SYK: variants seen among roughly 807,000 people sequenced by gnomAD.
SYK encodes tyrosine-protein kinase SYK.
Under a neutral mutation model 77.8 loss-of-function variants are expected in SYK, and 16 were observed. The ratio of observed to expected loss-of-function variants is 0.21; its 90% CI spans 0.14 to 0.31. SYK has a LOEUF of 0.31. Among genes scored for constraint, SYK ranks in the 10% least tolerant of loss-of-function variants. SYK has a pLI of 1.00. For missense variants in SYK, 529 were observed against 814.4 expected (o/e 0.65, Z 4.26); for synonymous variants, 312 against 308.7 (o/e 1.01, Z -0.11).
intron 7 of SYK, 25 bp from the exon 8 acceptor site, chr9:90,874,179 A>G (rs1284796825): frequency 4.4e-6 from 7 of 1,591,124 alleles, no homozygotes; most frequent in South Asian, 1.1e-5. Flanking sequence ...AAGAAAAACA[A>G]CCTGTTGTCC....
At chr9:90,871,208 G>A (rs1409960361) in intron 7 of SYK, among the ~76,000 whole-genome samples, 1 of 152,194 alleles carries the variant, frequency 6.6e-6, no homozygotes, top group Non-Finnish European at 1.5e-5. Flanking sequence ...AGAAAGCGAA[G>A]GTGGCTAATG....
intron 3 of SYK, among the ~76,000 whole-genome samples, chr9:90,860,015 G>C (rs142462746): frequency 1.3e-5 from 2 of 152,096 alleles, no homozygotes; most frequent in Non-Finnish European, 2.9e-5. Flanking sequence ...GAGAGATGGC[G>C]TCTCACTCTG....
At position 90,874,085 on chromosome 9, in the gene SYK, C is replaced by G. The variant is rs1292588969; in HGVS notation, c.916-119C>G. 2.4e-5 allele frequency: 20 copies of G among 827,762 alleles called. No homozygotes were observed. In the Admixed American group the frequency reaches 5.0e-4, roughly 21 times the overall value. 51.3% of individuals were successfully genotyped at this position (827,762 alleles called of 1,614,324 possible). ...TCTTCCCTGTTTTTCGTAATTCTTT[C>G]CTTTGTCTTTCCTGCAAAAGTTAAA... On this transcript the variant is annotated intron_variant, in intron 7 of 13. Coordinates refer to ENST00000375754, the MANE Select transcript of SYK (RefSeq NM_003177.7).
At position 90,897,539 on chromosome 9, in the gene SYK, T is replaced by A. The variant is rs908450537; in HGVS notation, c.*1939T>A. 4.3e-6 allele frequency: 1 copy of A among 231,620 alleles called. No homozygotes were observed. The highest frequency in any genetic ancestry group is 8.5e-6 in the Non-Finnish European group (1 of 116,974). The allele number at this position is 231,620 out of a possible 1,614,324, so 14.3% of individuals were successfully genotyped here. Reference sequence around the variant, plus strand: ...CTCTTGGTGGCTTCCTTCTGTAACTTCCAGAGGGAGTCTTCAACACAGGCC... The same window carrying A: ...CTCTTGGTGGCTTCCTTCTGTAACTACCAGAGGGAGTCTTCAACACAGGCC... On this transcript the variant is annotated 3_prime_UTR_variant, in exon 14 of 14. Coordinates refer to ENST00000375754, the MANE Select transcript of SYK (RefSeq NM_003177.7).
intron 1 of SYK, among the ~76,000 whole-genome samples, chr9:90,835,555 C>T (rs1178477131): frequency 6.6e-6 from 1 of 152,180 alleles, no homozygotes; most frequent in African/African-American, 2.4e-5. Context: ...TGGCTGTGTT[C>T]TCTTTGTCCT....
At chr9:90,801,927 C>G (rs201070811) in intron 1 of SYK, 34 bp downstream of exon 1, 5 of 152,402 alleles carry the variant, frequency 3.3e-5, no homozygotes, top group Admixed American at 2.6e-4. Flanking sequence ...CCGGCCGGGA[C>G]TTTCTGGTAA....
At position 90,845,668 on chromosome 9, in the gene SYK, T is replaced by C; in HGVS notation, c.578+74T>C. On this transcript the variant is annotated intron_variant, in intron 3 of 13. Transcript: ENST00000375754. Reference sequence around the variant, plus strand: ...ACAATTGGGAATAATTCAGCTTCCTTGTGACTGGCCCCACATGACCCTGGG... The same window carrying C: ...ACAATTGGGAATAATTCAGCTTCCTCGTGACTGGCCCCACATGACCCTGGG... 1.2e-5 allele frequency: 19 copies of C among 1,549,050 alleles called. No individual in the cohort carries two copies. In the South Asian group the frequency reaches 2.2e-4, roughly 18 times the overall value.
intron 3 of SYK, among the ~76,000 whole-genome samples, chr9:90,857,322 G>A (rs1298459927): frequency 2.0e-5 from 3 of 152,210 alleles, no homozygotes; most frequent in African/African-American, 4.8e-5. Context: ...TGACCTGTCT[G>A]AAGTTAAAAC....
chr9:90,833,867 A>G (rs1389737812), intron 1 of SYK, among the ~76,000 whole-genome samples: 1 of 152,222 alleles, frequency 6.6e-6, no homozygotes, highest in African/African-American at 2.4e-5. Context: ...GCAAAAGGAT[A>G]CAGTATAATT....
upstream of SYK, chr9:90,801,723 G>C (rs973847900): frequency 1.7e-4 from 26 of 152,328 alleles, no homozygotes; most frequent in Admixed American, 1.4e-3. Flanking sequence ...CAGGGCGGCG[G>C]GGCGCGACAC....
At chr9:90,807,015 T>C (rs148667148) in intron 1 of SYK, among the ~76,000 whole-genome samples, 101 of 152,360 alleles carry the variant, frequency 6.6e-4, no homozygotes, top group Non-Finnish European at 1.1e-3. Flanking sequence ...CCTGGGAAGC[T>C]TGCTCAAGTA....
intron 7 of SYK, among the ~76,000 whole-genome samples, chr9:90,873,141 G>A (rs963727717): frequency 6.6e-6 from 1 of 152,164 alleles, no homozygotes; most frequent in African/African-American, 2.4e-5. Flanking sequence ...TCATTATTCT[G>A]CTTTTGGTTT....
intron 2 of SYK, among the ~76,000 whole-genome samples, chr9:90,844,935 T>G (rs1391571530): frequency 7.4e-6 from 1 of 135,764 alleles, no homozygotes; most frequent in East Asian, 2.3e-4. Flanking sequence ...GTGTTTATTT[T>G]TTTATTTTTT....
chr9:90,892,678 C>G (rs1317223360), intron 13 of SYK, among the ~76,000 whole-genome samples: 5 of 152,192 alleles, frequency 3.3e-5, no homozygotes, highest in African/African-American at 9.7e-5. Context: ...TAGTGTTTTC[C>G]AGAGCCAAGT....
chr9:90,876,997 T>C (rs1295777652), intron 9 of SYK, among the ~76,000 whole-genome samples: 1 of 152,144 alleles, frequency 6.6e-6, no homozygotes, highest in Non-Finnish European at 1.5e-5. Flanking sequence ...TATTTTACAG[T>C]TTAGGGTTTT....
chr9:90,873,602 T>G (rs1378758276), intron 7 of SYK, among the ~76,000 whole-genome samples: 2 of 152,158 alleles, frequency 1.3e-5, no homozygotes, highest in Admixed American at 6.5e-5. Flanking sequence ...ATTGCTGGCC[T>G]AGGTGGCAGC....
chr9:90,837,871 G>A (rs1372165337), intron 1 of SYK, among the ~76,000 whole-genome samples: 2 of 152,220 alleles, frequency 1.3e-5, no homozygotes, highest in Non-Finnish European at 2.9e-5. Context: ...GCATCAGATG[G>A]AGCTCAGCTC....
chr9:90,813,041 G>T (rs1266536657), intron 1 of SYK, among the ~76,000 whole-genome samples: 3 of 152,178 alleles, frequency 2.0e-5, no homozygotes, highest in Non-Finnish European at 4.4e-5. Flanking sequence ...AAGAGGATTT[G>T]AATGGTTTTC....
intron 11 of SYK, among the ~76,000 whole-genome samples, chr9:90,880,684 G>T (rs1044784648): frequency 1.3e-5 from 2 of 152,206 alleles, no homozygotes; most frequent in South Asian, 4.1e-4. Flanking sequence ...CAAACTTACT[G>T]CCAAAAACAC....
Sources: allele counts gnomAD v4.1 joint callset (sites outside exome capture counted in the v4.1 genomes callset), GRCh38; gene constraint gnomAD v4.1.1; transcripts MANE v1.5; gene names NCBI Gene and HGNC (gene_info 2026-07-23, HGNC 2026-07-21).